Variants in TBKBP1 observed in about 807,000 individuals in gnomAD.
TBKBP1 encodes TANK-binding kinase 1-binding protein 1.
TBKBP1 carries 47 observed loss-of-function variants against 69.9 expected under a neutral mutation model. The observed-to-expected ratio is 0.67, with a 90% CI of 0.53 to 0.86. TBKBP1 has a LOEUF of 0.86. Ranked by LOEUF, TBKBP1 falls within the 40% of genes least tolerant of loss-of-function variation. The pLI, the probability that TBKBP1 is intolerant of heterozygous loss-of-function variation, is 0.00. For synonymous variants in TBKBP1, 418 were observed against 390.3 expected (o/e 1.07, Z -0.84); for missense variants, 831 against 858.6 (o/e 0.97, Z 0.40).
intron 9 of TBKBP1, 109 bp downstream of exon 9, chr17:47,709,561 A>T (rs1280608186): frequency 5.1e-6 from 7 of 1,370,692 alleles, no homozygotes; most frequent in African/African-American, 1.5e-5. Flanking sequence ...TCAGCGCACA[A>T]ACTATTCACC....
At chr17:47,705,046 T>C (rs1204627959) in intron 7 of TBKBP1, among the ~76,000 whole-genome samples, 1 of 152,198 alleles carries the variant, frequency 6.6e-6, no homozygotes, top group Non-Finnish European at 1.5e-5. Context: ...TACTTCCACA[T>C]GTGTCTAGCA....
At chr17:47,703,211 C>A (rs1044464267) in intron 7 of TBKBP1, among the ~76,000 whole-genome samples, 9 of 152,240 alleles carry the variant, frequency 5.9e-5, no homozygotes, top group African/African-American at 1.9e-4. Context: ...ACCTCCCCCC[C>A]CACCCCTCTC....
chr17:47,696,929 C>A, intron 3 of TBKBP1, 96 bp downstream of exon 3: 1 of 1,552,502 alleles, frequency 6.4e-7, no homozygotes. Flanking sequence ...GGCCTCTGCC[C>A]TTTGATTAGA....
Position 47,709,062 on chromosome 17 carries a change from C to T in TBKBP1, c.1329C>T (p.Ala443=). ...PPGERTLAER[A]YAKPPSHHVK... The stretch of plus-strand genomic sequence containing the variant: ...GCGAGAGGACGCTGGCCGAGCGCGC[C>T]TACGCCAAGCCGCCCAGCCACCACG... The change falls in exon 9 of 10, where the codon GCC becomes GCT. Residue 443 remains alanine (A), a synonymous_variant. Coordinates refer to ENST00000578982, the MANE Select transcript of TBKBP1 (RefSeq NM_001394755.1). The T allele has an allele frequency of 7.4e-7, 1 of 1,344,126 alleles. No homozygotes were observed. Among genetic ancestry groups the T allele is most frequent in the Non-Finnish European group, 9.5e-7 (1 of 1,050,660 alleles). 83.3% of individuals were successfully genotyped at this position (1,344,126 alleles called of 1,614,324 possible).
Position 47,708,688 on chromosome 17 carries a change from C to G in TBKBP1, c.992-37C>G. 1 of 1,481,394 alleles carries G rather than the reference C, an allele frequency of 6.8e-7. No homozygotes were observed. The highest frequency in any genetic ancestry group is 8.9e-7 in the Non-Finnish European group (1 of 1,120,490). 91.8% of individuals were successfully genotyped at this position (1,481,394 alleles called of 1,614,324 possible). A position where few individuals can be genotyped will look rare whatever the true frequency, so the allele number is the denominator to read the frequency against. ...CCAGTTCTGAGGTCTTCTCTCTGCACCTTTGTCCCCCCACCCCGTCCCGGT... is the reference window on the plus strand; with the variant it reads ...CCAGTTCTGAGGTCTTCTCTCTGCAGCTTTGTCCCCCCACCCCGTCCCGGT... On this transcript the variant is annotated intron_variant, in intron 8 of 9. Coordinates refer to ENST00000578982, the MANE Select transcript of TBKBP1 (RefSeq NM_001394755.1). The surrounding 1 kb of genome is among the most constrained non-coding windows in gnomAD (Gnocchi z 4.4).
In TBKBP1 at chr17:47,710,579, G is replaced by A. The variant is rs756737417; in HGVS notation, c.1801G>A (p.Ala601Thr). Residue 601 changes from alanine to threonine, a missense_variant, in exon 10 of 10, where the codon GCC becomes ACC. Ala to Thr is a moderately conservative substitution (Grantham distance 58, BLOSUM62 0). Transcript: ENST00000578982. ...LGFPVGYPDD[A>T]LIKHIDSHLE... ...TTTCCCTGTCGGGTACCCGGATGAT[G>A]CCCTCATCAAACACATTGACTCCCA... is the stretch of plus-strand genomic sequence containing the variant. 2 of 1,612,254 alleles carry A rather than the reference G, an allele frequency of 1.2e-6. No individual in the cohort carries two copies. Among genetic ancestry groups the A allele is most frequent in the South Asian group, 1.1e-5 (1 of 91,056 alleles).
rs1265501521 is a variant in TBKBP1, at chr17:47,697,182, C to A, written c.442C>A (p.Leu148Met). 6.2e-7 allele frequency: 1 copy of A among 1,612,514 alleles called. No individual in the cohort carries two copies. Among genetic ancestry groups the A allele is most frequent in the Admixed American group, 1.7e-5 (1 of 59,840 alleles). Residue 148 changes from leucine to methionine, a missense_variant, in exon 4 of 10, where the codon CTG becomes ATG. By Grantham distance (15) the Leu-to-Met change is conservative. Coordinates refer to ENST00000578982, the MANE Select transcript of TBKBP1 (RefSeq NM_001394755.1). ...GGAGAAGAGTGACTTGGAGACAGAGCTGAGGGAGATGGTGAGGCCTGGGGA... is the reference window on the plus strand; with the variant it reads ...GGAGAAGAGTGACTTGGAGACAGAGATGAGGGAGATGGTGAGGCCTGGGGA... ...CVEKSDLETE[L>M]REMRALVETH... is the part of the protein sequence containing the mutation.
At position 47,709,069 on chromosome 17, in the gene TBKBP1, A is replaced by G. The variant is rs2031814454; in HGVS notation, c.1336A>G (p.Lys446Glu). The G allele has an allele frequency of 7.4e-7, 1 of 1,345,728 alleles. No individual in the cohort carries two copies. The allele number at this position is 1,345,728 out of a possible 1,614,324, so 83.4% of individuals were successfully genotyped here. ...ERTLAERAYA[K>E]PPSHHVKAGF... is the part of the protein sequence containing the mutation. ...GACGCTGGCCGAGCGCGCCTACGCCAAGCCGCCCAGCCACCACGTGAAGGC... is the reference window on the plus strand; with the variant it reads ...GACGCTGGCCGAGCGCGCCTACGCCGAGCCGCCCAGCCACCACGTGAAGGC... The change falls in exon 9 of 10, where the codon AAG becomes GAG. Residue 446 changes from lysine to glutamate, a missense_variant. By Grantham distance (56) the Lys-to-Glu change is moderately conservative. Coordinates refer to ENST00000578982, the MANE Select transcript of TBKBP1 (RefSeq NM_001394755.1).
At chr17:47,705,288 A>G (rs184314725) in intron 7 of TBKBP1, among the ~76,000 whole-genome samples, 104 of 152,278 alleles carry the variant, frequency 6.8e-4, no homozygotes, top group African/African-American at 2.5e-3. Flanking sequence ...AGTAGGCTTT[A>G]TGATTTTGGT....
In TBKBP1 at chr17:47,696,704, C is replaced by T. The variant is rs761740969; in HGVS notation, c.226-7C>T. The stretch of plus-strand genomic sequence containing the variant: ...TCCACTCTCCTGAAGCTCCACCCCA[C>T]CTGCAGTACCCACTGATCAGTGACT... On this transcript the variant is annotated splice_polypyrimidine_tract_variant and splice_region_variant and intron_variant, in intron 2 of 9. Transcript: ENST00000578982. 6.2e-7 allele frequency: 1 copy of T among 1,613,800 alleles called. No homozygotes were observed. Among genetic ancestry groups the T allele is most frequent in the Non-Finnish European group, 8.5e-7 (1 of 1,179,776 alleles).
chr17:47,701,003 A>G (rs1428049581), intron 7 of TBKBP1, among the ~76,000 whole-genome samples: 1 of 152,002 alleles, frequency 6.6e-6, no homozygotes, highest in Non-Finnish European at 1.5e-5. Flanking sequence ...CAGACTCCCT[A>G]CTCTAATTGG....
At chr17:47,696,932 T>A in intron 3 of TBKBP1, 99 bp downstream of exon 3, 1 of 1,545,600 alleles carries the variant, frequency 6.5e-7, no homozygotes. Flanking sequence ...CTCTGCCCTT[T>A]GATTAGAGAT....
rs2031900966 is a variant in TBKBP1 at position 47,710,846 on chromosome 17, G to C, written c.*220G>C. 1.8e-6 allele frequency: 1 copy of C among 562,786 alleles called. No homozygotes were observed. Among genetic ancestry groups the C allele is most frequent in the Non-Finnish European group, 2.9e-6 (1 of 339,562 alleles). 34.9% of individuals were successfully genotyped at this position (562,786 alleles called of 1,614,324 possible). ...CAGCCGAGGCTCCCCCCATGCTCCT[G>C]GTTTCTGCTTAGGAGGTGGGGACTT... On this transcript the variant is annotated 3_prime_UTR_variant, in exon 10 of 10. Transcript: ENST00000578982.
Position 47,709,154 on chromosome 17 carries a change from C to A in TBKBP1, c.1421C>A (p.Ala474Asp), listed in dbSNP as rs575518699. 17 of 1,411,866 alleles carry A rather than the reference C, an allele frequency of 1.2e-5. No homozygotes were observed. The Admixed American group carries it at 4.3e-4, about 36-fold the overall frequency. 87.5% of individuals were successfully genotyped at this position (1,411,866 alleles called of 1,614,324 possible). ...ELAEGAAYAG[A>D]SPPWLQAEAA... ...GCGGAGGGCGCGGCCTACGCGGGCG[C>A]CTCCCCGCCCTGGCTGCAGGCCGAA... Residue 474 changes from alanine to aspartate, a missense_variant, in exon 9 of 10, where the codon GCC (alanine) becomes GAC (aspartate). Coordinates refer to ENST00000578982, the MANE Select transcript of TBKBP1 (RefSeq NM_001394755.1).
rs1408524164 is a variant in TBKBP1, at chr17:47,709,489, G to A, written c.1719+37G>A. On this transcript the variant is annotated intron_variant, in intron 9 of 9. Coordinates refer to ENST00000578982, the MANE Select transcript of TBKBP1 (RefSeq NM_001394755.1). ...GCCCGCGTTCCGCCCACCCCGGACCGGGCCTTGAGATTGAGACCCCAGCGC... is the reference window on the plus strand; with the variant it reads ...GCCCGCGTTCCGCCCACCCCGGACCAGGCCTTGAGATTGAGACCCCAGCGC... 1.2e-5 allele frequency: 17 copies of A among 1,464,732 alleles called. 1 individual carries two copies. The highest frequency in any genetic ancestry group is 2.7e-5 in the East Asian group (1 of 36,926). The allele number at this position is 1,464,732 out of a possible 1,614,324, so 90.7% of individuals were successfully genotyped here.
At position 47,709,218 on chromosome 17, in the gene TBKBP1, G is replaced by A; in HGVS notation, c.1485G>A (p.Glu495=). 6.6e-7 allele frequency: 1 copy of A among 1,522,084 alleles called. No homozygotes were observed. Among genetic ancestry groups the A allele is most frequent in the Non-Finnish European group, 8.7e-7 (1 of 1,144,350 alleles). 94.3% of individuals were successfully genotyped at this position (1,522,084 alleles called of 1,614,324 possible). Residue 495 remains glutamate, a synonymous_variant, in exon 9 of 10, where the codon GAG becomes GAA. Transcript: ENST00000578982. ...TLPKPRAYGS[E]LYGPGRPLSP... is the part of the protein sequence containing the mutation. ...CCAAGCCCCGGGCCTACGGCAGCGA[G>A]CTCTACGGCCCTGGCAGGCCCCTCA...
In TBKBP1 at chr17:47,699,505, G is replaced by A. The variant is rs755624780; in HGVS notation, c.810+10G>A. 1 of 1,591,364 alleles carries A rather than the reference G, an allele frequency of 6.3e-7. No homozygotes were observed. Among genetic ancestry groups the A allele is most frequent in the Admixed American group, 1.8e-5 (1 of 56,820 alleles). ...GGAGACCCGGGCCCAGGTAAATGCA[G>A]GGGCCTGGAACAGCTTCTGGAGGTC... On this transcript the variant is annotated intron_variant, in intron 6 of 9. Transcript: ENST00000578982.
intron 1 of TBKBP1, among the ~76,000 whole-genome samples, chr17:47,695,034 C>T (rs1419256062): frequency 6.6e-6 from 1 of 152,160 alleles, no homozygotes; most frequent in Non-Finnish European, 1.5e-5. Flanking sequence ...CCAGCGCGCG[C>T]ACACACCTCG....
At chr17:47,699,835 T>C in intron 7 of TBKBP1, 138 bp downstream of exon 7, 1 of 1,037,066 alleles carries the variant, frequency 9.6e-7, no homozygotes, top group Non-Finnish European at 1.4e-6. Flanking sequence ...TTTTTTTTTT[T>C]TTTTGAGATG....
Sources: allele counts gnomAD v4.1 joint callset (sites outside exome capture counted in the v4.1 genomes callset), GRCh38; gene constraint gnomAD v4.1.1; non-coding constraint Gnocchi (gnomAD v3.1); transcripts MANE v1.5; gene names NCBI Gene and HGNC (gene_info 2026-07-23, HGNC 2026-07-21).